The following CLEC16A variants were observed in gnomAD, a reference collection of about 807,000 sequenced individuals.
The protein encoded by CLEC16A is protein CLEC16A.
A neutral mutation model predicts 109.5 loss-of-function variants in CLEC16A; 51 were observed. That is an observed-to-expected ratio of 0.47 (90% CI 0.37 to 0.59). CLEC16A has a LOEUF of 0.59. Among genes scored for constraint, CLEC16A ranks in the 20% least tolerant of loss-of-function variants. CLEC16A has a pLI of 0.00. For synonymous variants in CLEC16A, 673 were observed against 564.2 expected (o/e 1.19, Z -2.73); for missense variants, 1,339 against 1,394.0 (o/e 0.96, Z 0.63).
chr16:11,082,144 G>T (rs931829099), intron 19 of CLEC16A, among the ~76,000 whole-genome samples: 1 of 152,222 alleles, frequency 6.6e-6, no homozygotes, highest in African/African-American at 2.4e-5. Context: ...CCTTGATTTT[G>T]ATGGCTCTTG....
At chr16:11,092,401 C>CACACACACACAT (rs1491089667) in intron 19 of CLEC16A, among the ~76,000 whole-genome samples, 1 of 144,460 alleles carries the variant, frequency 6.9e-6, no homozygotes, top group Non-Finnish European at 1.5e-5. Context: ...CACACACACA[C>CACACACACACAT]ATGCCAGGTG....
At chr16:11,123,216 A>C (rs965841310) in intron 20 of CLEC16A, among the ~76,000 whole-genome samples, 1 of 152,044 alleles carries the variant, frequency 6.6e-6, no homozygotes, top group Non-Finnish European at 1.5e-5. Context: ...TCCCTTTCTC[A>C]GGATTAGCTT....
chr16:10,985,220 A>ATATATATAT (rs1555526162), intron 10 of CLEC16A, among the ~76,000 whole-genome samples: 55 of 104,074 alleles, frequency 5.3e-4, no homozygotes, highest in African/African-American at 1.7e-3. Flanking sequence ...AAAAAAAAAA[A>ATATATATAT]ATATATATAT....
intron 19 of CLEC16A, among the ~76,000 whole-genome samples, chr16:11,107,709 C>T (rs981326987): frequency 6.6e-6 from 1 of 152,218 alleles, no homozygotes; most frequent in Non-Finnish European, 1.5e-5. Flanking sequence ...CTTGTCACTC[C>T]AGCTCTGCTG....
chr16:11,162,766 C>G (rs1239115088), intron 22 of CLEC16A, among the ~76,000 whole-genome samples: 1 of 152,204 alleles, frequency 6.6e-6, no homozygotes, highest in Non-Finnish European at 1.5e-5. Flanking sequence ...TAGCCTTTCC[C>G]CAGTTCTTGG....
intron 10 of CLEC16A, among the ~76,000 whole-genome samples, chr16:10,996,952 T>C (rs1175612129): frequency 2.6e-5 from 4 of 152,104 alleles, no homozygotes; most frequent in Non-Finnish European, 5.9e-5. Context: ...TTGGTAAACT[T>C]TTTGGTGTTT....
intron 22 of CLEC16A, among the ~76,000 whole-genome samples, chr16:11,164,238 C>A (rs1348653954): frequency 6.6e-6 from 1 of 152,198 alleles, no homozygotes; most frequent in Admixed American, 6.5e-5. Context: ...GACCGCCTCA[C>A]TCGGAGACTC....
chr16:10,981,155 C>A (rs1373292179), intron 9 of CLEC16A, among the ~76,000 whole-genome samples: 1 of 152,092 alleles, frequency 6.6e-6, no homozygotes, highest in Non-Finnish European at 1.5e-5. Context: ...TTCAGGGGGG[C>A]CTTTGTAGGT....
At chr16:11,097,050 C>G (rs1237361433) in intron 19 of CLEC16A, among the ~76,000 whole-genome samples, 1 of 152,126 alleles carries the variant, frequency 6.6e-6, no homozygotes, top group Non-Finnish European at 1.5e-5. Flanking sequence ...ATTTAGTTTC[C>G]CAGTATCTGT....
intron 19 of CLEC16A, among the ~76,000 whole-genome samples, chr16:11,066,978 A>G (rs2048795653): frequency 6.6e-6 from 1 of 152,190 alleles, no homozygotes; most frequent in African/African-American, 2.4e-5. Context: ...TTTACCGAGT[A>G]GTCATTTTTA....
chr16:10,996,161 C>T (rs927020280), intron 10 of CLEC16A, among the ~76,000 whole-genome samples: 3 of 152,220 alleles, frequency 2.0e-5, no homozygotes, highest in Non-Finnish European at 4.4e-5. Flanking sequence ...TGCTGAGAAA[C>T]CCACTCAACA....
chr16:10,958,050 T>TAAAA (rs35204351), intron 2 of CLEC16A, 140 bp downstream of exon 2: 9 of 518,120 alleles, frequency 1.7e-5, no homozygotes, highest in South Asian at 5.8e-5. Context: ...TGTCTAGCTG[T>TAAAA]AAAAAAAAAA....
At chr16:10,971,451 G>C in intron 5 of CLEC16A, 1 of 641,208 alleles carries the variant, frequency 1.6e-6, no homozygotes, top group South Asian at 6.9e-5. Flanking sequence ...TGCTCATGCT[G>C]CTACATAGAA....
intron 13 of CLEC16A, among the ~76,000 whole-genome samples, chr16:11,031,152 G>A (rs372771343): frequency 3.3e-5 from 5 of 152,290 alleles, no homozygotes; most frequent in South Asian, 2.1e-4. Context: ...CCAGCCTACC[G>A]CCTGGCACTC....
At chr16:11,112,839 C>T (rs569426813) in intron 19 of CLEC16A, among the ~76,000 whole-genome samples, 1 of 152,344 alleles carries the variant, frequency 6.6e-6, no homozygotes, top group Non-Finnish European at 1.5e-5. Flanking sequence ...AAGATGGAGA[C>T]ATCTGCCATC....
At chr16:10,995,656 AC>A (rs1227991303) in intron 10 of CLEC16A, among the ~76,000 whole-genome samples, 9 of 151,510 alleles carry the variant, frequency 5.9e-5, no homozygotes, top group African/African-American at 1.9e-4. Context: ...ATCCCACACT[AC>A]CCCCATGGTG....
rs539722711 is a variant in CLEC16A, at chr16:11,114,477, G to C, written c.2117-6138G>C. 7.9e-5 allele frequency among the ~76,000 whole-genome samples: 12 copies of C among 152,220 alleles called. No homozygotes were observed. In the South Asian group the frequency reaches 2.1e-3, roughly 26 times the overall value. On this transcript the variant is annotated intron_variant, in intron 19 of 23. Transcript: ENST00000409790. ...CTCCTGAGTGTCAGGCAGGGAGGCT[G>C]CCACATACCACGACAGAGCCGTCTG...
intron 13 of CLEC16A, among the ~76,000 whole-genome samples, chr16:11,030,905 G>A (rs891798600): frequency 1.3e-5 from 2 of 152,138 alleles, no homozygotes; most frequent in East Asian, 3.9e-4. Context: ...TCAGCCTCGA[G>A]AGTTCTTTAT....
chr16:11,114,128 C>CGTGT (rs3030600), intron 19 of CLEC16A, among the ~76,000 whole-genome samples: 8,799 of 127,150 alleles, frequency 0.069, 363 homozygotes, highest in East Asian at 0.1. Context: ...TGAGGATGGC[C>CGTGT]GTGTGTGTGT....
Sources: gnomAD v4.1 joint callset for allele counts (sites outside exome capture counted in the v4.1 genomes callset) on GRCh38, gnomAD v4.1.1 for gene constraint, MANE v1.5 for transcripts, NCBI Gene and HGNC (gene_info 2026-07-23, HGNC 2026-07-21) for gene names.